Variants in FAM107B observed in about 807,000 individuals in gnomAD.
FAM107B encodes the protein protein FAM107B.
In FAM107B, 21 loss-of-function variants were observed where a neutral mutation model predicts 31.5. That is an observed-to-expected ratio of 0.67 (90% CI 0.47 to 0.96). FAM107B has a LOEUF of 0.96. FAM107B is among the 40% of genes least tolerant of loss of function. The pLI is 0.00. For synonymous variants in FAM107B, 157 were observed against 141.5 expected, an observed-to-expected ratio of 1.11 and a Z score of -0.78; for missense variants, 452 against 377.1, an observed-to-expected ratio of 1.20 and a Z score of -1.64.
At chr10:14,708,584 C>T (rs961112201) in intron 1 of FAM107B, among the ~76,000 whole-genome samples, 21 of 151,942 alleles carry the variant, frequency 1.4e-4, no homozygotes, top group Admixed American at 1.4e-3. Context: ...TTAATTTGAG[C>T]ATGGGATCTT....
At chr10:14,621,915 T>C (rs1276182135) in intron 2 of FAM107B, among the ~76,000 whole-genome samples, 26 of 152,214 alleles carry the variant, frequency 1.7e-4, no homozygotes, top group Admixed American at 1.6e-3. Context: ...GTCTGCCAAG[T>C]CAATGAACAC....
chr10:14,538,069 A>G (rs1847823736), intron 2 of FAM107B, among the ~76,000 whole-genome samples: 1 of 152,158 alleles, frequency 6.6e-6, no homozygotes, highest in Admixed American at 6.5e-5. Flanking sequence ...ATGGGCTGGG[A>G]TGATGGATGG....
At chr10:14,633,890 C>T (rs987856632) in intron 2 of FAM107B, among the ~76,000 whole-genome samples, 5 of 152,174 alleles carry the variant, frequency 3.3e-5, no homozygotes, top group Non-Finnish European at 5.9e-5. Context: ...TCAATCATTA[C>T]ATCACTTTGT....
chr10:14,547,588 G>A (rs1484227385), intron 2 of FAM107B, among the ~76,000 whole-genome samples: 2 of 151,810 alleles, frequency 1.3e-5, no homozygotes, highest in African/African-American at 4.8e-5. Context: ...GAAATGCTCC[G>A]GTGAGCATTT....
intron 2 of FAM107B, among the ~76,000 whole-genome samples, chr10:14,578,055 A>T (rs1041139474): frequency 3.9e-5 from 6 of 152,096 alleles, no homozygotes; most frequent in African/African-American, 1.4e-4. Context: ...AGGGCTCTCA[A>T]CCTCCACATC....
At chr10:14,568,444 C>T (rs966344852) in intron 2 of FAM107B, among the ~76,000 whole-genome samples, 220 of 7,148 alleles carry the variant, frequency 0.031, 2 homozygotes, top group African/African-American at 0.05. Flanking sequence ...TGAAGATACT[C>T]AGGTAAGAGG....
intron 1 of FAM107B, among the ~76,000 whole-genome samples, chr10:14,709,910 G>A (rs1855601261): frequency 6.6e-6 from 1 of 152,160 alleles, no homozygotes; most frequent in South Asian, 2.1e-4. Flanking sequence ...AGTTGCCTGG[G>A]ATATAGGGGG....
intron 1 of FAM107B, among the ~76,000 whole-genome samples, chr10:14,745,743 T>A (rs1248244492): frequency 6.6e-6 from 1 of 152,080 alleles, no homozygotes; most frequent in Non-Finnish European, 1.5e-5. Context: ...TTTTAGTGAG[T>A]GCCATGTGTT....
chr10:14,713,566 C>A (rs749501247), intron 1 of FAM107B, among the ~76,000 whole-genome samples: 4 of 152,150 alleles, frequency 2.6e-5, no homozygotes, highest in Non-Finnish European at 4.4e-5. Flanking sequence ...CACCAAAATT[C>A]TGGAACAGAC....
chr10:14,760,504 C>A lies in FAM107B; in HGVS notation c.411+13749G>T, dbSNP rs530216357. 2.0e-5 allele frequency among the ~76,000 whole-genome samples: 3 copies of A among 150,238 alleles called. No individual in the cohort carries two copies. In the East Asian group the frequency reaches 5.8e-4, roughly 29 times the overall value. The stretch of plus-strand genomic sequence containing the variant: ...GATGCATTTACCTTATTATTCTCTG[C>A]GACATTAATAGCACATGGAGAAGCA... On this transcript the variant is annotated intron_variant, in intron 1 of 4. Transcript: ENST00000181796.
At chr10:14,538,289 T>C in intron 2 of FAM107B, among the ~76,000 whole-genome samples, 1 of 152,198 alleles carries the variant, frequency 6.6e-6, no homozygotes, top group Non-Finnish European at 1.5e-5. Flanking sequence ...CCATTCATAA[T>C]AGTCCCAAAC....
intron 2 of FAM107B, among the ~76,000 whole-genome samples, chr10:14,627,240 T>C (rs984202793): frequency 6.6e-6 from 1 of 152,250 alleles, no homozygotes; most frequent in Non-Finnish European, 1.5e-5. Context: ...TCTTAAAGTA[T>C]TGCAATCTGA....
intron 1 of FAM107B, among the ~76,000 whole-genome samples, chr10:14,747,376 A>T (rs1229156268): frequency 6.6e-6 from 1 of 151,992 alleles, no homozygotes; most frequent in Non-Finnish European, 1.5e-5. Context: ...AGGCACTCTC[A>T]TTTTTGAGTT....
intron 2 of FAM107B, among the ~76,000 whole-genome samples, chr10:14,637,624 A>G (rs1281513084): frequency 6.6e-6 from 1 of 152,164 alleles, no homozygotes; most frequent in African/African-American, 2.4e-5. Context: ...AGCCCGGGCA[A>G]CAGCAAGACC....
intron 2 of FAM107B, among the ~76,000 whole-genome samples, chr10:14,666,845 GC>G (rs1421267203): frequency 6.6e-6 from 1 of 152,134 alleles, no homozygotes; most frequent in Non-Finnish European, 1.5e-5. Flanking sequence ...AGAGTAGGGT[GC>G]TACTTTTCCT....
At chr10:14,572,334 C>T (rs1182683455) in intron 2 of FAM107B, 2 of 985,304 alleles carry the variant, frequency 2.0e-6, no homozygotes, top group Admixed American at 1.2e-4. Flanking sequence ...CTCTCCAGCC[C>T]TGGGTGGGTA....
chr10:14,679,013 C>A (rs1022471431), intron 1 of FAM107B, among the ~76,000 whole-genome samples: 1 of 152,230 alleles, frequency 6.6e-6, no homozygotes, highest in Non-Finnish European at 1.5e-5. Context: ...TGGCATCCCA[C>A]AGGGGTGCTG....
At chr10:14,547,504 C>T (rs1848810394) in intron 2 of FAM107B, among the ~76,000 whole-genome samples, 2 of 152,220 alleles carry the variant, frequency 1.3e-5, no homozygotes. Flanking sequence ...TTATCCGAAA[C>T]ACCAGAAGTG....
At chr10:14,604,245 C>G (rs1198562614) in intron 2 of FAM107B, 35 of 979,564 alleles carry the variant, frequency 3.6e-5, no homozygotes, top group Non-Finnish European at 4.2e-5. Context: ...CCTACCTCGG[C>G]GCGCGCACAA....
Sources: allele counts gnomAD v4.1 joint callset (sites outside exome capture counted in the v4.1 genomes callset), GRCh38; gene constraint gnomAD v4.1.1; transcripts MANE v1.5; gene names NCBI Gene and HGNC (gene_info 2026-07-23, HGNC 2026-07-21).